The following RYR2 variants were observed in gnomAD, a reference collection of about 807,000 sequenced individuals.
RYR2 encodes the protein ryanodine receptor 2, also known as cardiac muscle ryanodine receptor-calcium release channel.
Under a neutral mutation model 601.1 loss-of-function variants are expected in RYR2, and 227 were observed. The observed-to-expected ratio is 0.38, with a 90% CI of 0.34 to 0.42. RYR2 has a LOEUF of 0.42. Ranked by LOEUF, RYR2 falls within the 10% of genes least tolerant of loss-of-function variation. The pLI is 1.00. For synonymous variants in RYR2, 2,223 were observed against 2,175.1 expected (o/e 1.02, Z -0.61); for missense variants, 4,646 against 6,156.5 (o/e 0.75, Z 8.21).
intron 1 of RYR2, among the ~76,000 whole-genome samples, chr1:237,097,759 C>T (rs556603996): frequency 2.4e-4 from 36 of 152,252 alleles, no homozygotes; most frequent in Admixed American, 3.3e-4. Context: ...ATTCCATGTA[C>T]ATCCACTACC....
At chr1:237,648,679 T>C (rs1204639866) in intron 49 of RYR2, 66 bp downstream of exon 49, 2 of 1,473,102 alleles carry the variant, frequency 1.4e-6, no homozygotes, top group African/African-American at 2.8e-5. Flanking sequence ...GATGTTCTTT[T>C]TTATATATCC....
intron 24 of RYR2, among the ~76,000 whole-genome samples, chr1:237,523,516 C>T (rs1667287586): frequency 6.6e-6 from 1 of 152,154 alleles, no homozygotes; most frequent in Admixed American, 6.6e-5. Context: ...GGGTGGCTCA[C>T]TTGAGGTCTG....
chr1:237,104,106 G>C (rs1033806838), intron 1 of RYR2, among the ~76,000 whole-genome samples: 5 of 152,100 alleles, frequency 3.3e-5, no homozygotes, highest in Non-Finnish European at 7.4e-5. Context: ...CCAGCAAGGG[G>C]CTTTCCTCTC....
chr1:237,100,402 T>G (rs1667954484), intron 1 of RYR2, among the ~76,000 whole-genome samples: 1 of 151,182 alleles, frequency 6.6e-6, no homozygotes, highest in African/African-American at 2.4e-5. Flanking sequence ...TCTCTCTCTC[T>G]CTCTCTCAGA....
chr1:237,248,282 G>T (rs1474463298), intron 1 of RYR2, among the ~76,000 whole-genome samples: 1 of 14,066 alleles, frequency 7.1e-5, no homozygotes, highest in African/African-American at 2.0e-4. Context: ...CCGCAACCCC[G>T]CCCCCCCCCC....
At chr1:237,145,214 TATA>T (rs1322452871) in intron 1 of RYR2, among the ~76,000 whole-genome samples, 12 of 150,996 alleles carry the variant, frequency 7.9e-5, no homozygotes, top group African/African-American at 2.4e-4. Flanking sequence ...GAACTTAAAG[TATA>T]ATAATAAAAA....
At chr1:237,801,833 A>ACTTT in intron 97 of RYR2, 23 bp from the exon 98 acceptor site, 1 of 1,365,684 alleles carries the variant, frequency 7.3e-7, no homozygotes, top group Non-Finnish European at 1.0e-6. Context: ...ATAACTACGC[A>ACTTT]TTTTTTTTTT....
At chr1:237,210,961 T>C (rs1682505975) in intron 1 of RYR2, among the ~76,000 whole-genome samples, 1 of 152,218 alleles carries the variant, frequency 6.6e-6, no homozygotes, top group Non-Finnish European at 1.5e-5. Context: ...CAAATGGAGC[T>C]TAGCGAGTTA....
At chr1:237,759,927 C>T (rs1376304510) in intron 83 of RYR2, 75 bp downstream of exon 83, 19 of 878,058 alleles carry the variant, frequency 2.2e-5, no homozygotes, top group Middle Eastern at 2.2e-4. Context: ...CTTACTCTGA[C>T]GATAATTGCA....
At chr1:237,689,691 T>A (rs1686768170) in intron 63 of RYR2, among the ~76,000 whole-genome samples, 1 of 152,134 alleles carries the variant, frequency 6.6e-6, no homozygotes. Flanking sequence ...TTTCTTTATA[T>A]CTCAAAGCGC....
chr1:237,439,614 A>G (rs891084755), intron 12 of RYR2, among the ~76,000 whole-genome samples: 1 of 152,056 alleles, frequency 6.6e-6, no homozygotes, highest in Non-Finnish European at 1.5e-5. Flanking sequence ...ACTGCATTCC[A>G]GCCTGGGTGA....
intron 2 of RYR2, among the ~76,000 whole-genome samples, chr1:237,309,446 T>C (rs1281539864): frequency 2.0e-5 from 3 of 152,200 alleles, no homozygotes; most frequent in Non-Finnish European, 4.4e-5. Flanking sequence ...TACGGAGCAC[T>C]GATAGGTGCA....
chr1:237,795,237 T>A (rs1174514520), intron 95 of RYR2, 52 bp from the exon 96 acceptor site: 1 of 845,296 alleles, frequency 1.2e-6, no homozygotes, highest in Non-Finnish European at 1.8e-6. Flanking sequence ...GATATGTTAT[T>A]ATTTGTCATT....
chr1:237,207,283 T>C (rs1294599980), intron 1 of RYR2, among the ~76,000 whole-genome samples: 1 of 152,140 alleles, frequency 6.6e-6, no homozygotes, highest in East Asian at 1.9e-4. Flanking sequence ...AAAGTCTTCA[T>C]GGCCAGGCAC....
chr1:237,606,748 C>G (rs1442525764), intron 35 of RYR2, among the ~76,000 whole-genome samples: 3 of 152,090 alleles, frequency 2.0e-5, no homozygotes, highest in Admixed American at 6.5e-5. Flanking sequence ...CAAACAACCC[C>G]ATCAAAAAGT....
chr1:237,243,396 G>A (rs1686427283), intron 1 of RYR2, among the ~76,000 whole-genome samples: 1 of 151,916 alleles, frequency 6.6e-6, no homozygotes, highest in Non-Finnish European at 1.5e-5. Context: ...CGGAACTCAG[G>A]AAAACACTTA....
intron 96 of RYR2, among the ~76,000 whole-genome samples, chr1:237,795,586 G>C (rs754379732): frequency 6.6e-6 from 1 of 150,528 alleles, no homozygotes; most frequent in Non-Finnish European, 1.5e-5. Context: ...GAGTGGCTGG[G>C]ATTCCAGGCG....
At chr1:237,642,849 G>A (rs546631548) in intron 47 of RYR2, among the ~76,000 whole-genome samples, 1 of 152,280 alleles carries the variant, frequency 6.6e-6, no homozygotes, top group East Asian at 1.9e-4. Flanking sequence ...GGAGAAATCA[G>A]GGTCGAAGAC....
In RYR2 at chr1:237,653,597, C is replaced by T. The variant is rs575964381; in HGVS notation, c.7825-677C>T. Among the ~76,000 whole-genome samples the T allele has an allele frequency of 9.2e-5, 14 of 152,176 alleles. No homozygotes were observed. The South Asian group carries it at 2.5e-3, about 27-fold the overall frequency. On this transcript the variant is annotated intron_variant, in intron 51 of 104. Transcript: ENST00000366574. ...GCCGGGGTTCTCTAGAGGGACAGAA[C>T]TAATAGGATAGATGTATATATGAAG...
Sources: gnomAD v4.1 joint callset for allele counts (sites outside exome capture counted in the v4.1 genomes callset) on GRCh38, gnomAD v4.1.1 for gene constraint, MANE v1.5 for transcripts, NCBI Gene and HGNC (gene_info 2026-07-23, HGNC 2026-07-21) for gene names.